VDAC1: variants seen among roughly 807,000 people sequenced by gnomAD.
The protein encoded by VDAC1 is voltage dependent anion channel 1.
VDAC1 carries 10 observed loss-of-function variants against 34.7 expected under a neutral mutation model. The observed-to-expected ratio is 0.29, with a 90% CI of 0.18 to 0.49. The LOEUF (loss-of-function observed/expected upper bound fraction) is 0.49, where lower values mean the gene tolerates loss of function less well. VDAC1 is among the 20% of genes least tolerant of loss of function. VDAC1 has a pLI of 0.99. For synonymous variants in VDAC1, 130 were observed against 136.0 expected, an observed-to-expected ratio of 0.96 and a Z score of 0.30; for missense variants, 230 against 347.9, an observed-to-expected ratio of 0.66 and a Z score of 2.69.
At chr5:134,088,314 G>A in the VDAC1 span, among the ~76,000 whole-genome samples, 1 of 152,330 alleles carries the variant, frequency 6.6e-6, no homozygotes, top group East Asian at 1.9e-4. Flanking sequence ...CACAGGGTGG[G>A]CCAGGTGCTA....
chr5:134,066,821 C>T, the VDAC1 span, among the ~76,000 whole-genome samples: 2 of 152,202 alleles, frequency 1.3e-5, no homozygotes, highest in African/African-American at 2.4e-5. Context: ...AATGGCAACA[C>T]AGAAATTGCA....
At chr5:134,071,337 G>C in the VDAC1 span, among the ~76,000 whole-genome samples, 2 of 152,148 alleles carry the variant, frequency 1.3e-5, no homozygotes, top group Non-Finnish European at 2.9e-5. The surrounding 1 kb of genome is among the most constrained non-coding windows in gnomAD (Gnocchi z 4.1). Flanking sequence ...GCAGGGGAAG[G>C]GCTGGACTTG....
the VDAC1 span, among the ~76,000 whole-genome samples, chr5:134,085,800 C>T: frequency 6.9e-6 from 1 of 145,880 alleles, no homozygotes; most frequent in South Asian, 2.2e-4. Context: ...CCCAATCACT[C>T]GAGAGGCTGA....
chr5:134,012,700 AAACT>A, the VDAC1 span, among the ~76,000 whole-genome samples: 35 of 152,198 alleles, frequency 2.3e-4, no homozygotes, highest in African/African-American at 8.4e-4. Flanking sequence ...TGTTCCTATC[AAACT>A]AACAACATCA....
At chr5:134,021,759 G>T in the VDAC1 span, among the ~76,000 whole-genome samples, 18 of 152,298 alleles carry the variant, frequency 1.2e-4, no homozygotes, top group South Asian at 6.2e-4. Flanking sequence ...CAGGTGGGGG[G>T]GCCTAGCCCC....
chr5:134,089,644 G>C, the VDAC1 span, among the ~76,000 whole-genome samples: 1 of 152,144 alleles, frequency 6.6e-6, no homozygotes, highest in Non-Finnish European at 1.5e-5. Context: ...ACCTCTCCCA[G>C]GTACCTTTGA....
At chr5:134,106,412 C>CTTT in the VDAC1 span, among the ~76,000 whole-genome samples, 1 of 149,924 alleles carries the variant, frequency 6.7e-6, no homozygotes, top group Admixed American at 6.6e-5. Flanking sequence ...TGTTGTCATC[C>CTTT]TCTTTTTTTT....
the VDAC1 span, among the ~76,000 whole-genome samples, chr5:134,037,859 G>A: frequency 3.3e-5 from 5 of 152,106 alleles, no homozygotes; most frequent in African/African-American, 7.2e-5. Flanking sequence ...TTAGTGAATC[G>A]TATTGTATCA....
At chr5:133,991,694 C>T (rs573102787) in intron 3 of VDAC1, among the ~76,000 whole-genome samples, 4 of 152,158 alleles carry the variant, frequency 2.6e-5, no homozygotes, top group African/African-American at 9.6e-5. Flanking sequence ...CCTGGACCAC[C>T]CATCATGCAG....
At chr5:134,022,304 T>G in the VDAC1 span, among the ~76,000 whole-genome samples, 1 of 152,252 alleles carries the variant, frequency 6.6e-6, no homozygotes, top group Non-Finnish European at 1.5e-5. Flanking sequence ...ATGTCTTCAT[T>G]CATTTTGTCC....
chr5:134,060,298 G>A, the VDAC1 span, among the ~76,000 whole-genome samples: 1 of 151,902 alleles, frequency 6.6e-6, no homozygotes, highest in Middle Eastern at 3.2e-3. Flanking sequence ...GCCAGGGATC[G>A]ACCACCCGTC....
the VDAC1 span, among the ~76,000 whole-genome samples, chr5:134,077,137 C>T: frequency 0.057 from 8,731 of 151,944 alleles, 337 homozygotes; most frequent in Non-Finnish European, 0.083. Flanking sequence ...ATTAGCCAGG[C>T]GTGGTGGCGT....
chr5:134,076,073 G>A, the VDAC1 span, among the ~76,000 whole-genome samples: 3 of 151,828 alleles, frequency 2.0e-5, no homozygotes, highest in Non-Finnish European at 2.9e-5. Flanking sequence ...TCTGCCTCCC[G>A]GGTTCAAGCA....
the VDAC1 span, among the ~76,000 whole-genome samples, chr5:134,090,718 C>T: frequency 6.6e-6 from 1 of 152,240 alleles, no homozygotes; most frequent in Non-Finnish European, 1.5e-5. Flanking sequence ...GGCAAACATC[C>T]TAAACCACCG....
the VDAC1 span, among the ~76,000 whole-genome samples, chr5:134,043,695 G>C: frequency 2.0e-5 from 3 of 151,938 alleles, no homozygotes. Context: ...ACCATGGCCA[G>C]CTAATTTTTG....
chr5:134,098,577 C>T, the VDAC1 span, among the ~76,000 whole-genome samples: 1 of 152,208 alleles, frequency 6.6e-6, no homozygotes, highest in East Asian at 1.9e-4. Context: ...CAATGCTCCC[C>T]TCTCAACCTC....
chr5:134,067,070 G>A, the VDAC1 span, among the ~76,000 whole-genome samples: 1 of 149,454 alleles, frequency 6.7e-6, no homozygotes, highest in African/African-American at 2.5e-5. Flanking sequence ...TGATTGTTTT[G>A]ATCAAAAGTT....
chr5:134,045,993 T>C, the VDAC1 span, among the ~76,000 whole-genome samples: 1 of 20,776 alleles, frequency 4.8e-5, no homozygotes, highest in Non-Finnish European at 2.0e-4. Flanking sequence ...CAATTCTTCT[T>C]TTTTTTTTTT....
chr5:134,011,423 C>T, the VDAC1 span, among the ~76,000 whole-genome samples: 1 of 152,204 alleles, frequency 6.6e-6, no homozygotes, highest in South Asian at 2.1e-4. Flanking sequence ...ATTTATCTGG[C>T]GTAACTAAAC....
Sources: gnomAD v4.1 joint callset for allele counts (sites outside exome capture counted in the v4.1 genomes callset) on GRCh38, gnomAD v4.1.1 for gene constraint, Gnocchi (gnomAD v3.1) non-coding constraint, MANE v1.5 for transcripts, NCBI Gene and HGNC (gene_info 2026-07-23, HGNC 2026-07-21) for gene names.